CDHR3: variants seen among roughly 807,000 people sequenced by gnomAD.
CDHR3 encodes cadherin related family member 3.
CDHR3 carries 79 observed loss-of-function variants against 86.6 expected under a neutral mutation model. The observed-to-expected ratio is 0.91, with a 90% CI of 0.76 to 1.10. The LOEUF (loss-of-function observed/expected upper bound fraction) is 1.10. Ranked by LOEUF, CDHR3 falls within the 50% of genes least tolerant of loss-of-function variation. The pLI is 0.00. For synonymous variants in CDHR3, 421 were observed against 402.4 expected (o/e 1.05, Z -0.55); for missense variants, 1,081 against 1,077.6 (o/e 1.00, Z -0.04).
chr7:106,005,306 G>T (rs1483936294), intron 8 of CDHR3, among the ~76,000 whole-genome samples: 3 of 152,128 alleles, frequency 2.0e-5, no homozygotes, highest in African/African-American at 7.2e-5. Context: ...CAATCTATTT[G>T]CTATTATTTT....
In CDHR3 at chr7:106,034,612, C is replaced by T. The variant is rs940125360; in HGVS notation, c.*1915C>T. On this transcript the variant is annotated 3_prime_UTR_variant, in exon 19 of 19. Coordinates refer to ENST00000317716, the MANE Select transcript of CDHR3 (RefSeq NM_152750.5). Reference sequence around the variant, plus strand: ...CTTTGCAAAAGAAGGCAGAACTGTTCATTTATGCAGGTTAAAGTGAGTGAA... The same window carrying T: ...CTTTGCAAAAGAAGGCAGAACTGTTTATTTATGCAGGTTAAAGTGAGTGAA... Among the ~76,000 whole-genome samples, 2 of 152,208 alleles carry T rather than the reference C, an allele frequency of 1.3e-5. No homozygotes were observed. Among genetic ancestry groups the T allele is most frequent in the Non-Finnish European group, 2.9e-5 (2 of 68,046 alleles).
intron 12 of CDHR3, 34 bp downstream of exon 12, chr7:106,018,106 C>G (rs1585799048): frequency 1.3e-6 from 2 of 1,577,998 alleles, no homozygotes. Context: ...TGCCGGTAAC[C>G]CAACTGGTTG....
intron 5 of CDHR3, 40 bp from the exon 6 acceptor site, chr7:105,996,210 G>A (rs1268896273): frequency 8.7e-7 from 1 of 1,149,908 alleles, no homozygotes; most frequent in Non-Finnish European, 1.3e-6. Flanking sequence ...AGTAGTGCCA[G>A]CAAAGCTTGA....
At chr7:105,973,738 A>G (rs1034554961) in intron 1 of CDHR3, among the ~76,000 whole-genome samples, 6 of 152,202 alleles carry the variant, frequency 3.9e-5, no homozygotes, top group Non-Finnish European at 8.8e-5. Flanking sequence ...AGGCTGAGGC[A>G]GGTGGATCAC....
chr7:106,022,253 C>T lies in CDHR3; in HGVS notation c.1881C>T (p.Arg627=), dbSNP rs1367162936. The T allele has an allele frequency of 1.2e-6, 2 of 1,613,942 alleles. No homozygotes were observed. Among genetic ancestry groups the T allele is most frequent in the East Asian group, 2.2e-5 (1 of 44,906 alleles). The part of the protein sequence containing the change: ...FSPNAGSNVT[R]LLLTSRFDYA... ...CCAATGCTGGTTCCAATGTCACACGCCTGCTGCTTACATCTCGCTTTGACT... is the reference window on the plus strand; with the variant it reads ...CCAATGCTGGTTCCAATGTCACACGTCTGCTGCTTACATCTCGCTTTGACT... Residue 627 remains arginine (R), a synonymous_variant, in exon 14 of 19, where the codon CGC becomes CGT. Coordinates refer to ENST00000317716, the MANE Select transcript of CDHR3 (RefSeq NM_152750.5).
intron 14 of CDHR3, among the ~76,000 whole-genome samples, chr7:106,022,731 A>G (rs1376772555): frequency 6.6e-6 from 1 of 152,158 alleles, no homozygotes; most frequent in East Asian, 1.9e-4. Flanking sequence ...GACCTCAACC[A>G]TCTGTGTGGC....
intron 8 of CDHR3, among the ~76,000 whole-genome samples, chr7:106,009,215 G>A (rs1358305511): frequency 1.3e-5 from 2 of 152,180 alleles, no homozygotes; most frequent in African/African-American, 4.8e-5. Flanking sequence ...CTTCTAGCGG[G>A]AGGAACTCTC....
chr7:105,978,536 G>C (rs193797), intron 2 of CDHR3, among the ~76,000 whole-genome samples: 112,269 of 151,994 alleles, frequency 0.74, 42,512 homozygotes, highest in African/African-American at 0.91. Context: ...CAAATCGAGG[G>C]TCCACCACTC....
Position 106,012,955 on chromosome 7 carries a change from T to C in CDHR3, c.1148T>C (p.Phe383Ser). The C allele has an allele frequency of 6.2e-7, 1 of 1,613,798 alleles. No homozygotes were observed. Among genetic ancestry groups the C allele is most frequent in the African/African-American group, 1.3e-5 (1 of 75,024 alleles). ...DDDSEAPNNRFNFTMPSGVGS... is the reference protein window; with the variant it reads ...DDDSEAPNNRSNFTMPSGVGS... ...GACAGTGAGGCACCAAACAACAGAT[T>C]CAACTTCACCATGCCATCTGGAGTG... The change falls in exon 9 of 19, where the codon TTC (phenylalanine) becomes TCC (serine). Residue 383 changes from phenylalanine to serine, a missense_variant. Physicochemically the swap from Phe to Ser is radical, Grantham distance 155. Transcript: ENST00000317716.
intron 2 of CDHR3, among the ~76,000 whole-genome samples, chr7:105,979,815 A>G (rs1829368448): frequency 6.6e-6 from 1 of 152,234 alleles, no homozygotes; most frequent in Non-Finnish European, 1.5e-5. Context: ...AATTAAGGAC[A>G]TACATGGAAT....
At chr7:105,973,289 T>C (rs1374075881) in intron 1 of CDHR3, among the ~76,000 whole-genome samples, 2 of 152,176 alleles carry the variant, frequency 1.3e-5, no homozygotes, top group Non-Finnish European at 2.9e-5. Flanking sequence ...GATTTTACAT[T>C]TTGCACTTAT....
At chr7:106,020,901 C>T (rs118019321) in intron 13 of CDHR3, among the ~76,000 whole-genome samples, 24 of 152,260 alleles carry the variant, frequency 1.6e-4, no homozygotes, top group East Asian at 9.6e-4. Flanking sequence ...AGACCCCATA[C>T]GTGACTGCCC....
intron 2 of CDHR3, among the ~76,000 whole-genome samples, chr7:105,980,101 G>T (rs1829406166): frequency 6.6e-6 from 1 of 152,168 alleles, no homozygotes; most frequent in South Asian, 2.1e-4. Flanking sequence ...GTGTGGAAAG[G>T]CACAAAGAAA....
Position 106,030,976 on chromosome 7 carries a change from C to A in CDHR3, c.2353+136C>A. 1.3e-6 allele frequency: 1 copy of A among 782,472 alleles called. No homozygotes were observed. The allele number at this position is 782,472 out of a possible 1,614,324, so 48.5% of individuals were successfully genotyped here. A position where few individuals can be genotyped will look rare whatever the true frequency, so the allele number is the denominator to read the frequency against. ...GGCTATGTTGCCTATATAGTGCTGA[C>A]TCTTCTAGGCTAAATACAACGTGAG... is the stretch of plus-strand genomic sequence containing the variant. On this transcript the variant is annotated intron_variant, in intron 18 of 18. Coordinates refer to ENST00000317716, the MANE Select transcript of CDHR3 (RefSeq NM_152750.5). The surrounding 1 kb of genome is among the most constrained non-coding windows in gnomAD (Gnocchi z 4.8).
chr7:106,025,962 A>T (rs1311903955), intron 15 of CDHR3, among the ~76,000 whole-genome samples: 1 of 152,238 alleles, frequency 6.6e-6, no homozygotes, highest in African/African-American at 2.4e-5. Flanking sequence ...TGAAGAAACA[A>T]ATCCAATAGA....
rs1188845631 is a variant in CDHR3 at position 106,030,287 on chromosome 7, G to A, written c.2305-505G>A. Among the ~76,000 whole-genome samples, 1 of 152,216 alleles carries A rather than the reference G, an allele frequency of 6.6e-6. No individual in the cohort carries two copies. Among genetic ancestry groups the A allele is most frequent in the Non-Finnish European group, 1.5e-5 (1 of 68,024 alleles). On this transcript the variant is annotated intron_variant, in intron 17 of 18. Coordinates refer to ENST00000317716, the MANE Select transcript of CDHR3 (RefSeq NM_152750.5). The surrounding 1 kb of genome is among the most constrained non-coding windows in gnomAD (Gnocchi z 4.8). ...TTAGGTGAGGCCCAGATGCGACACTGCATTGGCCTAGGCAAGGGGAGGCCG... is the reference window on the plus strand; with the variant it reads ...TTAGGTGAGGCCCAGATGCGACACTACATTGGCCTAGGCAAGGGGAGGCCG...
At chr7:106,005,855 C>A (rs1833875599) in intron 8 of CDHR3, among the ~76,000 whole-genome samples, 1 of 152,178 alleles carries the variant, frequency 6.6e-6, no homozygotes, top group South Asian at 2.1e-4. Context: ...TCTGGATGCA[C>A]CCCTGACTTA....
At chr7:105,982,052 C>T (rs971560559) in intron 3 of CDHR3, among the ~76,000 whole-genome samples, 14 of 110,744 alleles carry the variant, frequency 1.3e-4, no homozygotes, top group Middle Eastern at 4.5e-3. Flanking sequence ...TCCCAGCCCC[C>T]CTGCAGTCTG....
intron 10 of CDHR3, among the ~76,000 whole-genome samples, 184 bp downstream of exon 10, chr7:106,015,397 A>G (rs893272690): frequency 2.0e-5 from 3 of 152,098 alleles, no homozygotes; most frequent in African/African-American, 7.2e-5. Flanking sequence ...TGCAAATGCC[A>G]TCATATGACT....
Sources: allele counts gnomAD v4.1 joint callset (sites outside exome capture counted in the v4.1 genomes callset), GRCh38; gene constraint gnomAD v4.1.1; non-coding constraint Gnocchi (gnomAD v3.1); transcripts MANE v1.5; gene names NCBI Gene and HGNC (gene_info 2026-07-23, HGNC 2026-07-21).